The following FAF1 variants were observed in gnomAD, a reference collection of about 807,000 sequenced individuals.
FAF1 encodes the protein FAS-associated factor 1.
FAF1 carries 25 observed loss-of-function variants against 92.5 expected under a neutral mutation model. That is an observed-to-expected ratio of 0.27 (90% CI 0.20 to 0.38). The LOEUF (loss-of-function observed/expected upper bound fraction) is 0.38, where lower values mean the gene tolerates loss of function less well. Among genes scored for constraint, FAF1 ranks in the 10% least tolerant of loss-of-function variants. The pLI, the probability that FAF1 is intolerant of heterozygous loss-of-function variation, is 1.00. For synonymous variants in FAF1, 234 were observed against 273.2 expected, an observed-to-expected ratio of 0.86 and a Z score of 1.42; for missense variants, 636 against 793.3, an observed-to-expected ratio of 0.80 and a Z score of 2.38.
chr1:50,805,340 G>A (rs574005088), intron 2 of FAF1, among the ~76,000 whole-genome samples: 1 of 152,132 alleles, frequency 6.6e-6, no homozygotes, highest in East Asian at 1.9e-4. Context: ...TCAAAATCCA[G>A]CCCCTAAATT....
chr1:50,571,857 C>A (rs967794730), intron 12 of FAF1, among the ~76,000 whole-genome samples: 4 of 152,108 alleles, frequency 2.6e-5, no homozygotes, highest in African/African-American at 7.2e-5. Flanking sequence ...AGAGCAGATA[C>A]TAAGGAAATA....
At chr1:50,825,611 G>A (rs1003370297) in intron 2 of FAF1, among the ~76,000 whole-genome samples, 2 of 151,920 alleles carry the variant, frequency 1.3e-5, no homozygotes, top group East Asian at 1.9e-4. Context: ...AATTGATAGA[G>A]AAGGGGAAAA....
At chr1:50,905,436 T>A (rs1426839165) in intron 1 of FAF1, among the ~76,000 whole-genome samples, 2 of 152,210 alleles carry the variant, frequency 1.3e-5, no homozygotes, top group Admixed American at 6.5e-5. Flanking sequence ...TATTTCTAGT[T>A]CTAGATCCTT....
chr1:50,589,617 T>G (rs1426854898), intron 9 of FAF1, among the ~76,000 whole-genome samples: 1 of 152,228 alleles, frequency 6.6e-6, no homozygotes, highest in Non-Finnish European at 1.5e-5. Flanking sequence ...TTTTCTCCCA[T>G]TCTGTGGGTT....
At chr1:50,819,714 T>A (rs1200124672) in intron 2 of FAF1, among the ~76,000 whole-genome samples, 6 of 30,660 alleles carry the variant, frequency 2.0e-4, no homozygotes, top group African/African-American at 6.1e-4. Context: ...CATATATATA[T>A]ACGTATATAT....
intron 4 of FAF1, among the ~76,000 whole-genome samples, chr1:50,758,106 C>T (rs1025057399): frequency 2.9e-4 from 44 of 152,194 alleles, no homozygotes; most frequent in African/African-American, 3.6e-4. Flanking sequence ...TTAGTAGAGA[C>T]GATGTTTTGC....
intron 3 of FAF1, among the ~76,000 whole-genome samples, chr1:50,800,784 T>C (rs1661960886): frequency 6.6e-6 from 1 of 152,212 alleles, no homozygotes. Context: ...ACCTCATTCC[T>C]AATCTGCTGT....
chr1:50,714,112 A>G (rs917089687), intron 6 of FAF1, among the ~76,000 whole-genome samples: 5 of 151,968 alleles, frequency 3.3e-5, no homozygotes, highest in African/African-American at 9.7e-5. Context: ...TTTTAACTCA[A>G]TGCAAGAAAT....
chr1:50,480,194 G>A (rs969159322), intron 17 of FAF1, among the ~76,000 whole-genome samples: 1 of 152,026 alleles, frequency 6.6e-6, no homozygotes, highest in Non-Finnish European at 1.5e-5. Context: ...CATATCTGAG[G>A]GATGAGAAAT....
chr1:50,872,900 GA>G lies in FAF1; in HGVS notation c.46-14904del, dbSNP rs376074043. 2.4e-3 allele frequency among the ~76,000 whole-genome samples: 336 copies of G among 141,024 alleles called. 1 individual carries two copies. The highest frequency in any genetic ancestry group is 0.011 in the Middle Eastern group (3 of 264). 92.5% of individuals were successfully genotyped at this position (141,024 alleles called of 152,430 possible). On this transcript the variant is annotated intron_variant, in intron 1 of 18. Transcript: ENST00000396153. ...GGCAACAACAGCGAAACTCCGTCTG[GA>G]AAAAAAAAAAAAATTGCTATCAAAC...
chr1:50,899,768 G>A (rs1285035516), intron 1 of FAF1, among the ~76,000 whole-genome samples: 1 of 152,106 alleles, frequency 6.6e-6, no homozygotes, highest in African/African-American at 2.4e-5. Context: ...ATATTCTTGA[G>A]CTTTGCTCTG....
chr1:50,723,910 G>A (rs1380741615), intron 6 of FAF1, among the ~76,000 whole-genome samples: 1 of 151,930 alleles, frequency 6.6e-6, no homozygotes, highest in Non-Finnish European at 1.5e-5. Context: ...CACCACACCT[G>A]GCTAATTTTT....
At chr1:50,900,155 TTCTC>T (rs1442680365) in intron 1 of FAF1, among the ~76,000 whole-genome samples, 3 of 152,144 alleles carry the variant, frequency 2.0e-5, no homozygotes, top group Non-Finnish European at 2.9e-5. Context: ...ACTGTATACA[TTCTC>T]TCTCTCAGAC....
At chr1:50,911,168 G>T (rs1409767740) in intron 1 of FAF1, among the ~76,000 whole-genome samples, 2 of 151,752 alleles carry the variant, frequency 1.3e-5, no homozygotes, top group African/African-American at 4.8e-5. Context: ...TGCCTCCCCA[G>T]TTCAAGCAAT....
chr1:50,685,794 C>T (rs1041540375), intron 7 of FAF1, among the ~76,000 whole-genome samples: 1 of 152,182 alleles, frequency 6.6e-6, no homozygotes, highest in Admixed American at 6.5e-5. Context: ...CCTCTTTCCC[C>T]TCAATGAAGT....
intron 13 of FAF1, among the ~76,000 whole-genome samples, chr1:50,565,894 C>T (rs541646165): frequency 1.2e-4 from 18 of 152,152 alleles, no homozygotes; most frequent in African/African-American, 4.3e-4. Context: ...GCCAAGTCTC[C>T]AGTCTCTGTA....
intron 1 of FAF1, among the ~76,000 whole-genome samples, chr1:50,939,339 T>C (rs1645111381): frequency 6.6e-6 from 1 of 152,224 alleles, no homozygotes; most frequent in South Asian, 2.1e-4. Context: ...GTAAATGGGA[T>C]TGTGCTCTTG....
At chr1:50,933,060 C>T (rs200556341) in intron 1 of FAF1, among the ~76,000 whole-genome samples, 1 of 152,128 alleles carries the variant, frequency 6.6e-6, no homozygotes, top group East Asian at 1.9e-4. Flanking sequence ...CCCACAAAAC[C>T]ACTTTTCCTC....
intron 8 of FAF1, among the ~76,000 whole-genome samples, chr1:50,625,637 T>C (rs1455054011): frequency 6.6e-6 from 1 of 151,998 alleles, no homozygotes; most frequent in African/African-American, 2.4e-5. Flanking sequence ...AGAAATGATA[T>C]GCATAATGGC....
Sources: allele counts gnomAD v4.1 joint callset (sites outside exome capture counted in the v4.1 genomes callset), GRCh38; gene constraint gnomAD v4.1.1; transcripts MANE v1.5; gene names NCBI Gene and HGNC (gene_info 2026-07-23, HGNC 2026-07-21).